The following SLC16A7 variants were observed in gnomAD, a reference collection of about 807,000 sequenced individuals.
The protein encoded by SLC16A7 is solute carrier family 16 member 7.
SLC16A7 carries 33 observed loss-of-function variants against 34.9 expected under a neutral mutation model. The ratio of observed to expected loss-of-function variants is 0.94; its 90% CI spans 0.72 to 1.26. The LOEUF (loss-of-function observed/expected upper bound fraction) is 1.26. Ranked by LOEUF, SLC16A7 falls within the 50% of genes most tolerant of loss-of-function variation. The pLI is 0.00. For missense variants in SLC16A7, 573 were observed against 578.1 expected (o/e 0.99, Z 0.09); for synonymous variants, 201 against 206.6 (o/e 0.97, Z 0.23).
At chr12:59,682,437 C>A (rs911264085) in intron 2 of SLC16A7, among the ~76,000 whole-genome samples, 1 of 152,004 alleles carries the variant, frequency 6.6e-6, no homozygotes, top group Non-Finnish European at 1.5e-5. Context: ...CTGTATTAGA[C>A]GCTATAGTGA....
At chr12:59,631,491 C>T (rs1880180849) in intron 1 of SLC16A7, among the ~76,000 whole-genome samples, 1 of 151,900 alleles carries the variant, frequency 6.6e-6, no homozygotes, top group African/African-American at 2.4e-5. Flanking sequence ...TATATACTTG[C>T]CTCATCAGTC....
Position 59,704,960 on chromosome 12 carries a change from T to C in SLC16A7, c.159T>C (p.Thr53=). The part of the protein sequence containing the change: ...FFKEIQQIFH[T]TYSEIAWISS... ...AAGAAATTCAGCAAATATTCCACAC[T>C]ACCTACAGTGAAATAGCATGGATTT... Residue 53 remains threonine (T), a synonymous_variant, in exon 3 of 6, where the codon ACT becomes ACC. Transcript: ENST00000547379. 6.2e-7 allele frequency: 1 copy of C among 1,613,672 alleles called. No individual in the cohort carries two copies. Among genetic ancestry groups the C allele is most frequent in the Non-Finnish European group, 8.5e-7 (1 of 1,179,638 alleles).
chr12:59,672,530 G>A (rs1162304622), intron 2 of SLC16A7, among the ~76,000 whole-genome samples: 1 of 151,820 alleles, frequency 6.6e-6, no homozygotes, highest in Admixed American at 6.6e-5. Context: ...CAGGCTCATT[G>A]TTTCACCATG....
At chr12:59,764,488 C>T (rs1415302897) in intron 3 of SLC16A7, among the ~76,000 whole-genome samples, 1 of 142,662 alleles carries the variant, frequency 7.0e-6, no homozygotes, top group East Asian at 2.3e-4. Flanking sequence ...CCCCCTCCCC[C>T]TCCACCACAA....
intron 2 of SLC16A7, among the ~76,000 whole-genome samples, chr12:59,657,359 CTT>C (rs1214985217): frequency 6.6e-6 from 1 of 151,826 alleles, no homozygotes; most frequent in Non-Finnish European, 1.5e-5. Context: ...ATTTCATTGA[CTT>C]TACTTATTGT....
intron 1 of SLC16A7, chr12:59,597,266 CACACGA>C (rs1878463846): frequency 1.4e-5 from 2 of 142,666 alleles, no homozygotes; most frequent in South Asian, 4.4e-4. Context: ...CACACACACA[CACACGA>C]GACATAGAAG....
chr12:59,661,242 T>C (rs372695460), intron 2 of SLC16A7, among the ~76,000 whole-genome samples: 72 of 152,122 alleles, frequency 4.7e-4, no homozygotes, highest in African/African-American at 1.7e-3. Context: ...GTAGAGAGAT[T>C]GGAGGCTGGG....
intron 1 of SLC16A7, among the ~76,000 whole-genome samples, chr12:59,647,155 G>A (rs959668774): frequency 2.0e-5 from 3 of 152,124 alleles, no homozygotes; most frequent in African/African-American, 7.2e-5. Context: ...TTTGAAATGT[G>A]AGGACATAAG....
In SLC16A7 at chr12:59,779,594, T is replaced by C. The variant is rs2137481968; in HGVS notation, c.1352T>C (p.Leu451Ser). Residue 451 changes from leucine (L) to serine (S), a missense_variant, in exon 6 of 6, where the codon TTG becomes TCG. Physicochemically the swap from Leu to Ser is moderately radical, Grantham distance 145. Transcript: ENST00000547379. The part of the protein sequence containing the change: ...ARQKTRESEP[L>S]SKSKHSEDVN... Reference sequence around the variant, plus strand: ...CAGAAGACCAGAGAATCTGAACCCTTGAGCAAATCTAAACATTCGGAAGAT... The same window carrying C: ...CAGAAGACCAGAGAATCTGAACCCTCGAGCAAATCTAAACATTCGGAAGAT... 1 of 1,612,218 alleles carries C rather than the reference T, an allele frequency of 6.2e-7. No individual in the cohort carries two copies. The highest frequency in any genetic ancestry group is 2.2e-5 in the East Asian group (1 of 44,788).
At position 59,712,954 on chromosome 12, in the gene SLC16A7, G is replaced by A. The variant is rs138689224; in HGVS notation, c.217+7936G>A. 1.7e-3 allele frequency among the ~76,000 whole-genome samples: 255 copies of A among 152,240 alleles called. 1 individual carries two copies. Among genetic ancestry groups the A allele is most frequent in the African/African-American group, 5.4e-3 (226 of 41,544 alleles). On this transcript the variant is annotated intron_variant, in intron 3 of 5. Coordinates refer to ENST00000547379, the MANE Select transcript of SLC16A7 (RefSeq NM_001270623.2). ...GTGAGGTCTAGCATGAAATGCTCTC[G>A]TGAACTAACTGGTTATTCTGAAAAC...
At chr12:59,604,704 T>C (rs1878852617) in intron 1 of SLC16A7, among the ~76,000 whole-genome samples, 1 of 152,204 alleles carries the variant, frequency 6.6e-6, no homozygotes, top group Non-Finnish European at 1.5e-5. Context: ...AGGTGAAGTA[T>C]TTTGCCCAAG....
At chr12:59,705,954 A>G (rs897292173) in intron 3 of SLC16A7, among the ~76,000 whole-genome samples, 8 of 152,122 alleles carry the variant, frequency 5.3e-5, no homozygotes, top group Non-Finnish European at 1.0e-4. Flanking sequence ...ATTTAGTAAT[A>G]TTTACTTTCA....
At chr12:59,752,241 C>T (rs1879672681) in intron 3 of SLC16A7, among the ~76,000 whole-genome samples, 1 of 152,178 alleles carries the variant, frequency 6.6e-6, no homozygotes, top group South Asian at 2.1e-4. Flanking sequence ...AGCAATGGAA[C>T]AAAGCTGGAC....
chr12:59,606,615 A>G (rs906194138), intron 1 of SLC16A7, among the ~76,000 whole-genome samples: 4 of 152,190 alleles, frequency 2.6e-5, no homozygotes, highest in Admixed American at 6.5e-5. Flanking sequence ...TAGCACCCCA[A>G]GAGTCAGTGC....
At chr12:59,698,143 A>G (rs1482802437) in intron 2 of SLC16A7, among the ~76,000 whole-genome samples, 1 of 151,806 alleles carries the variant, frequency 6.6e-6, no homozygotes, top group Admixed American at 6.6e-5. Flanking sequence ...GAACTATAAG[A>G]AAAGTACTTA....
intron 3 of SLC16A7, among the ~76,000 whole-genome samples, chr12:59,764,859 T>G (rs985476788): frequency 1.6e-3 from 241 of 152,124 alleles, no homozygotes; most frequent in African/African-American, 3.8e-3. Context: ...GTAATGGGAT[T>G]GCTGGGTCAA....
intron 3 of SLC16A7, chr12:59,720,291 A>G (rs978537446): frequency 1.4e-5 from 7 of 516,850 alleles, no homozygotes; most frequent in African/African-American, 6.0e-5. Context: ...AATTTGGTCT[A>G]TGTTTTCTTG....
intron 1 of SLC16A7, among the ~76,000 whole-genome samples, chr12:59,633,780 G>T (rs1392103736): frequency 6.6e-6 from 1 of 151,926 alleles, no homozygotes; most frequent in African/African-American, 2.4e-5. Flanking sequence ...GTCAGGGGAG[G>T]TGCTACACTT....
At chr12:59,671,718 A>G (rs910517312) in intron 2 of SLC16A7, among the ~76,000 whole-genome samples, 2 of 146,474 alleles carry the variant, frequency 1.4e-5, no homozygotes, top group African/African-American at 2.5e-5. Context: ...ATATATGTGT[A>G]TATATATGTG....
Sources: allele counts gnomAD v4.1 joint callset (sites outside exome capture counted in the v4.1 genomes callset), GRCh38; gene constraint gnomAD v4.1.1; transcripts MANE v1.5; gene names NCBI Gene and HGNC (gene_info 2026-07-23, HGNC 2026-07-21).